The following AFG1L variants were observed in gnomAD, a reference collection of about 807,000 sequenced individuals.
AFG1L encodes the protein AFG1-like ATPase.
A neutral mutation model predicts 62.2 loss-of-function variants in AFG1L; 53 were observed. That is an observed-to-expected ratio of 0.85 (90% CI 0.68 to 1.07). AFG1L has a LOEUF of 1.07. AFG1L is among the 50% of genes least tolerant of loss of function. The pLI is 0.00. For missense variants in AFG1L, 555 were observed against 590.5 expected (o/e 0.94, Z 0.62); for synonymous variants, 228 against 210.3 (o/e 1.08, Z -0.73).
intron 7 of AFG1L, among the ~76,000 whole-genome samples, chr6:108,408,878 A>G (rs1420328085): frequency 6.6e-6 from 1 of 152,044 alleles, no homozygotes; most frequent in Non-Finnish European, 1.5e-5. Context: ...ATTTTATCAT[A>G]GAAACAAAAA....
chr6:108,505,208 C>G (rs547980026), intron 10 of AFG1L, among the ~76,000 whole-genome samples: 59 of 152,000 alleles, frequency 3.9e-4, no homozygotes, highest in Non-Finnish European at 7.8e-4. Context: ...ATTCTCCTGC[C>G]TCAGCCTCCC....
Position 108,380,519 on chromosome 6 carries a change from G to A in AFG1L, c.748+14187G>A, listed in dbSNP as rs552633257. On this transcript the variant is annotated intron_variant, in intron 6 of 12. Transcript: ENST00000368977. Reference sequence around the variant, plus strand: ...CAGCTCTCTTCCGTGCCAGGCTTGTGACAGGGGAGAGCACAATTCCAGCAC... The same window carrying A: ...CAGCTCTCTTCCGTGCCAGGCTTGTAACAGGGGAGAGCACAATTCCAGCAC... Among the ~76,000 whole-genome samples the A allele has an allele frequency of 4.1e-4, 63 of 152,288 alleles. 1 individual carries two copies. Among genetic ancestry groups the A allele is most frequent in the African/African-American group, 1.5e-3 (61 of 41,574 alleles).
At chr6:108,491,723 G>A (rs1050718398) in intron 10 of AFG1L, among the ~76,000 whole-genome samples, 2 of 152,110 alleles carry the variant, frequency 1.3e-5, no homozygotes, top group East Asian at 3.8e-4. Flanking sequence ...AGTTTGAAGG[G>A]CTTGGCCCTT....
chr6:108,469,489 G>C (rs1374935694), intron 8 of AFG1L, among the ~76,000 whole-genome samples: 1 of 152,148 alleles, frequency 6.6e-6, no homozygotes, highest in East Asian at 1.9e-4. Flanking sequence ...TGTCTGGCTG[G>C]TTGTGTGAGT....
intron 7 of AFG1L, among the ~76,000 whole-genome samples, chr6:108,411,735 C>CTGACTGTTAGAAGGAAAACTAACTA (rs1782123428): frequency 6.6e-6 from 1 of 152,166 alleles, no homozygotes; most frequent in African/African-American, 2.4e-5. Flanking sequence ...AAAGGACATC[C>CTGACTGTTAGAAGGAAAACTAACTA]ACACCAAAAC....
chr6:108,474,400 A>G (rs1223719694), intron 8 of AFG1L, among the ~76,000 whole-genome samples: 1 of 152,228 alleles, frequency 6.6e-6, no homozygotes, highest in Non-Finnish European at 1.5e-5. Flanking sequence ...GTATATATCC[A>G]CTAATGGGAT....
At chr6:108,303,857 C>A (rs969505632) in intron 1 of AFG1L, among the ~76,000 whole-genome samples, 2 of 152,186 alleles carry the variant, frequency 1.3e-5, no homozygotes, top group East Asian at 1.9e-4. Context: ...AATTAGATCC[C>A]TTAGATGTCT....
chr6:108,431,367 G>A (rs958249314), intron 7 of AFG1L, among the ~76,000 whole-genome samples: 3 of 152,062 alleles, frequency 2.0e-5, no homozygotes, highest in Non-Finnish European at 4.4e-5. Flanking sequence ...GCCTCCCAAA[G>A]TGCTGGGATT....
intron 7 of AFG1L, among the ~76,000 whole-genome samples, chr6:108,435,018 C>A (rs1771239748): frequency 6.6e-6 from 1 of 152,252 alleles, no homozygotes; most frequent in African/African-American, 2.4e-5. Flanking sequence ...GATTCTTAAC[C>A]ATCTGTCTTC....
At chr6:108,370,607 T>C (rs1779960291) in intron 6 of AFG1L, among the ~76,000 whole-genome samples, 1 of 152,000 alleles carries the variant, frequency 6.6e-6, no homozygotes, top group Admixed American at 6.6e-5. Flanking sequence ...GTGATGGCAA[T>C]GGATATGGAG....
At chr6:108,478,664 T>C (rs778824089) in intron 10 of AFG1L, among the ~76,000 whole-genome samples, 12 of 152,148 alleles carry the variant, frequency 7.9e-5, no homozygotes, top group Non-Finnish European at 1.6e-4. Flanking sequence ...GAAAATAAAC[T>C]TGAGAAGAAT....
At chr6:108,296,546 A>T (rs1190083443) in intron 1 of AFG1L, among the ~76,000 whole-genome samples, 1 of 152,206 alleles carries the variant, frequency 6.6e-6, no homozygotes, top group Non-Finnish European at 1.5e-5. Context: ...GCATATACAT[A>T]TATAGATAAT....
chr6:108,451,904 G>T (rs933367307), intron 8 of AFG1L, among the ~76,000 whole-genome samples: 1 of 152,044 alleles, frequency 6.6e-6, no homozygotes, highest in Non-Finnish European at 1.5e-5. Flanking sequence ...TAGTGGAGAC[G>T]GGGTTTTGCC....
At chr6:108,445,755 G>A (rs1052212845) in intron 7 of AFG1L, among the ~76,000 whole-genome samples, 1 of 151,880 alleles carries the variant, frequency 6.6e-6, no homozygotes, top group Non-Finnish European at 1.5e-5. Context: ...TATGGGTGCA[G>A]TTTGTGGTAC....
At chr6:108,494,122 T>C (rs1304459436) in intron 10 of AFG1L, among the ~76,000 whole-genome samples, 3 of 152,036 alleles carry the variant, frequency 2.0e-5, no homozygotes, top group Non-Finnish European at 4.4e-5. Flanking sequence ...ACACCTGGCG[T>C]CACATTTTCA....
chr6:108,482,397 T>A (rs1169926353), intron 10 of AFG1L, among the ~76,000 whole-genome samples: 2 of 152,190 alleles, frequency 1.3e-5, no homozygotes, highest in Non-Finnish European at 2.9e-5. Flanking sequence ...TTTGGGCTTA[T>A]GGAAAATCAA....
chr6:108,440,873 T>C (rs1317744682), intron 7 of AFG1L, among the ~76,000 whole-genome samples: 1 of 152,110 alleles, frequency 6.6e-6, no homozygotes, highest in East Asian at 1.9e-4. Context: ...TTTTTTGTTG[T>C]TTACTCATTA....
At chr6:108,414,299 A>G (rs983724691) in intron 7 of AFG1L, among the ~76,000 whole-genome samples, 14 of 152,156 alleles carry the variant, frequency 9.2e-5, no homozygotes, top group African/African-American at 2.9e-4. Flanking sequence ...CAACCCAAAA[A>G]AGTCCAGGAC....
intron 7 of AFG1L, among the ~76,000 whole-genome samples, chr6:108,415,142 G>A (rs185470874): frequency 6.4e-4 from 97 of 152,264 alleles, no homozygotes; most frequent in African/African-American, 2.2e-3. Context: ...CAAACAGAGA[G>A]CCAAATTATG....
Sources: gnomAD v4.1 joint callset for allele counts (sites outside exome capture counted in the v4.1 genomes callset) on GRCh38, gnomAD v4.1.1 for gene constraint, MANE v1.5 for transcripts, NCBI Gene and HGNC (gene_info 2026-07-23, HGNC 2026-07-21) for gene names.